Variants in COL14A1 observed in about 807,000 individuals in gnomAD.
COL14A1 encodes collagen alpha-1(XIV) chain.
A neutral mutation model predicts 230.3 loss-of-function variants in COL14A1; 136 were observed. The ratio of observed to expected loss-of-function variants is 0.59; its 90% CI spans 0.51 to 0.68. COL14A1 has a LOEUF of 0.68. Among genes scored for constraint, COL14A1 ranks in the 30% least tolerant of loss-of-function variants. The pLI, the probability that COL14A1 is intolerant of heterozygous loss-of-function variation, is 0.00. For missense variants in COL14A1, 1,976 were observed against 2,215.8 expected (o/e 0.89, Z 2.17); for synonymous variants, 792 against 784.1 (o/e 1.01, Z -0.17).
In COL14A1 at chr8:120,250,839, G is replaced by C. The variant is rs1008102114; in HGVS notation, c.2752+73G>C. 10 of 1,538,628 alleles carry C rather than the reference G, an allele frequency of 6.5e-6. No individual in the cohort carries two copies. The Admixed American group carries it at 1.5e-4, about 23-fold the overall frequency. ...GTTTTGTTTTTTGAGATGGAGTCTC[G>C]CTCTGTCGCTCAGGCTGGAGTGCGC... On this transcript the variant is annotated intron_variant, in intron 22 of 47. Coordinates refer to ENST00000297848, the MANE Select transcript of COL14A1 (RefSeq NM_021110.4).
chr8:120,251,234 C>T (rs192026902), intron 22 of COL14A1, among the ~76,000 whole-genome samples: 5 of 152,236 alleles, frequency 3.3e-5, no homozygotes, highest in Admixed American at 1.3e-4. Flanking sequence ...GGTTGGCAGG[C>T]GGGATGTCAG....
intron 2 of COL14A1, among the ~76,000 whole-genome samples, chr8:120,149,268 T>A (rs1258119740): frequency 6.6e-6 from 1 of 152,214 alleles, no homozygotes; most frequent in East Asian, 1.9e-4. Context: ...CACCACACAC[T>A]GTTTCCTTTA....
At chr8:120,355,099 T>C (rs1038975758) in intron 45 of COL14A1, among the ~76,000 whole-genome samples, 2 of 152,178 alleles carry the variant, frequency 1.3e-5, no homozygotes, top group African/African-American at 4.8e-5. Context: ...GACTGGACAA[T>C]CCAGTGATTG....
chr8:120,135,963 C>T (rs1469925389), intron 1 of COL14A1, among the ~76,000 whole-genome samples: 1 of 151,908 alleles, frequency 6.6e-6, no homozygotes, highest in East Asian at 1.9e-4. Context: ...TCTTGTCTGT[C>T]AGTCTTTCTA....
intron 8 of COL14A1, among the ~76,000 whole-genome samples, chr8:120,201,455 G>C (rs985092649): frequency 1.3e-5 from 2 of 152,020 alleles, no homozygotes; most frequent in African/African-American, 4.8e-5. Context: ...ACAGAAATTG[G>C]CAAACACTAC....
chr8:120,368,352 A>G (rs1823477260), intron 46 of COL14A1, among the ~76,000 whole-genome samples: 1 of 152,118 alleles, frequency 6.6e-6, no homozygotes, highest in African/African-American at 2.4e-5. Flanking sequence ...TCCTAATGCA[A>G]TTCATTTTGA....
At chr8:120,147,776 C>A in intron 1 of COL14A1, 30 bp from the exon 2 acceptor site, 2 of 1,214,946 alleles carry the variant, frequency 1.6e-6, no homozygotes, top group African/African-American at 1.5e-5. Flanking sequence ...TCAGCCTTCT[C>A]AAAAATGTTC....
intron 24 of COL14A1, among the ~76,000 whole-genome samples, chr8:120,264,899 T>A (rs1464752725): frequency 6.6e-6 from 1 of 152,158 alleles, no homozygotes; most frequent in African/African-American, 2.4e-5. Context: ...TACTTTAGCT[T>A]CTCCTATCCT....
intron 13 of COL14A1, 93 bp from the exon 14 acceptor site, chr8:120,216,258 A>G (rs900537206): frequency 8.0e-6 from 8 of 998,540 alleles, no homozygotes; most frequent in African/African-American, 1.6e-5. Context: ...GACACTTTTC[A>G]TATGTAAATA....
At chr8:120,253,875 G>T (rs1819054566) in intron 22 of COL14A1, among the ~76,000 whole-genome samples, 2 of 152,200 alleles carry the variant, frequency 1.3e-5, no homozygotes, top group African/African-American at 4.8e-5. Flanking sequence ...AGTGAGCTGA[G>T]ATTGTGCCAC....
chr8:120,239,125 T>G (rs1277435787), intron 19 of COL14A1, among the ~76,000 whole-genome samples: 1 of 152,232 alleles, frequency 6.6e-6, no homozygotes, highest in Non-Finnish European at 1.5e-5. Flanking sequence ...ATCATGGCCT[T>G]CCCATGTATT....
intron 34 of COL14A1, among the ~76,000 whole-genome samples, chr8:120,292,006 A>T (rs1820390872): frequency 6.6e-6 from 1 of 152,178 alleles, no homozygotes; most frequent in Non-Finnish European, 1.5e-5. Context: ...TTGTCTGTTC[A>T]AATTGTATTA....
In COL14A1 at chr8:120,371,578, T is replaced by C. The variant is rs6987793; in HGVS notation, c.*347T>C. On this transcript the variant is annotated 3_prime_UTR_variant, in exon 48 of 48. Coordinates refer to ENST00000297848, the MANE Select transcript of COL14A1 (RefSeq NM_021110.4). ...AAGTCCTAAAATGAACAAACAGATA[T>C]GATTGTGTTTGAGGGAAATATGTCC... The C allele has an allele frequency of 7.1e-3, 2,825 of 398,354 alleles. 56 individuals are homozygous for C. The highest frequency in any genetic ancestry group is 0.05 in the African/African-American group (2,454 of 48,640). The allele number at this position is 398,354 out of a possible 1,614,324, so 24.7% of individuals were successfully genotyped here. A position where few individuals can be genotyped will look rare whatever the true frequency, so the allele number is the denominator to read the frequency against.
chr8:120,200,973 C>A (rs1175275650), intron 8 of COL14A1, among the ~76,000 whole-genome samples: 1 of 151,262 alleles, frequency 6.6e-6, no homozygotes, highest in Non-Finnish European at 1.5e-5. Context: ...TCCTGATCAC[C>A]TATCCCAGTG....
rs983974714 is a variant in COL14A1, at chr8:120,252,258, G to C, written c.2752+1492G>C. Reference sequence around the variant, plus strand: ...TGGTTACACGGATAAATTCTCTAGTGGTGAATTCTGAGATTTTAGTGCACC... The same window carrying C: ...TGGTTACACGGATAAATTCTCTAGTCGTGAATTCTGAGATTTTAGTGCACC... On this transcript the variant is annotated intron_variant, in intron 22 of 47. Transcript: ENST00000297848. Among the ~76,000 whole-genome samples the C allele has an allele frequency of 2.0e-5, 3 of 151,948 alleles. No individual in the cohort carries two copies. The East Asian group carries it at 5.8e-4, about 29-fold the overall frequency.
intron 14 of COL14A1, among the ~76,000 whole-genome samples, chr8:120,220,561 C>T (rs1206203890): frequency 1.3e-5 from 2 of 152,048 alleles, no homozygotes; most frequent in Admixed American, 6.6e-5. Flanking sequence ...TGTGAGCCAC[C>T]GCGCCCAGCC....
At chr8:120,204,092 A>G (rs1487719644) in intron 9 of COL14A1, among the ~76,000 whole-genome samples, 2 of 152,174 alleles carry the variant, frequency 1.3e-5, no homozygotes, top group Admixed American at 1.3e-4. Flanking sequence ...ATAATGTTAC[A>G]TTTACATTTA....
At chr8:120,369,092 T>C (rs1188463967) in intron 46 of COL14A1, among the ~76,000 whole-genome samples, 6 of 152,166 alleles carry the variant, frequency 3.9e-5, no homozygotes. Flanking sequence ...AAGATGCATT[T>C]TGCTTGCCAG....
intron 26 of COL14A1, among the ~76,000 whole-genome samples, chr8:120,271,730 G>A (rs1357261344): frequency 6.6e-6 from 1 of 151,566 alleles, no homozygotes; most frequent in Non-Finnish European, 1.5e-5. Context: ...TGTGAGGATA[G>A]AACAAGTGGA....
Sources: gnomAD v4.1 joint callset for allele counts (sites outside exome capture counted in the v4.1 genomes callset) on GRCh38, gnomAD v4.1.1 for gene constraint, MANE v1.5 for transcripts, NCBI Gene and HGNC (gene_info 2026-07-23, HGNC 2026-07-21) for gene names.